The following ZNF486 variants were observed in gnomAD, a reference collection of about 807,000 sequenced individuals.
The protein encoded by ZNF486 is zinc finger protein 486.
A neutral mutation model predicts 12.8 loss-of-function variants in ZNF486; 12 were observed. That is an observed-to-expected ratio of 0.94 (90% CI 0.60 to 1.52). ZNF486 has a LOEUF of 1.52. ZNF486 is among the 40% of genes most tolerant of loss of function. The pLI, the probability that ZNF486 is intolerant of heterozygous loss-of-function variation, is 0.00. For missense variants in ZNF486, 738 were observed against 545.0 expected, an observed-to-expected ratio of 1.35 and a Z score of -3.53; for synonymous variants, 231 against 184.9, an observed-to-expected ratio of 1.25 and a Z score of -2.02.
At chr19:20,193,800 T>A (rs1311174620) in intron 3 of ZNF486, among the ~76,000 whole-genome samples, 1 of 152,158 alleles carries the variant, frequency 6.6e-6, no homozygotes, top group Non-Finnish European at 1.5e-5. Flanking sequence ...TCATTTTCTG[T>A]CTTTTTTGTG....
At chr19:20,178,164 G>A (rs2089743732) in intron 1 of ZNF486, among the ~76,000 whole-genome samples, 1 of 151,866 alleles carries the variant, frequency 6.6e-6, no homozygotes, top group African/African-American at 2.4e-5. Flanking sequence ...TTGACCTCAG[G>A]TGATCCACCC....
chr19:20,170,538 C>T (rs2089637703), intron 1 of ZNF486, among the ~76,000 whole-genome samples: 2 of 151,828 alleles, frequency 1.3e-5, no homozygotes, highest in Non-Finnish European at 2.9e-5. Flanking sequence ...GGTGCCACTG[C>T]ACTCCAGCCT....
At position 20,186,054 on chromosome 19, in the gene ZNF486, G is replaced by A; in HGVS notation, c.225G>A (p.Lys75=). Residue 75 remains lysine (K), a synonymous_variant, in exon 3 of 4, where the codon AAG becomes AAA. Transcript: ENST00000335117. ...AAGGAATAAAACCTCTGACTATGAA[G>A]AGACATGAGATGATTGCCAAACCCC... ...LEQGIKPLTM[K]RHEMIAKPPV... 6.3e-7 allele frequency: 1 copy of A among 1,593,416 alleles called. No individual in the cohort carries two copies. Among genetic ancestry groups the A allele is most frequent in the South Asian group, 1.1e-5 (1 of 87,352 alleles).
intron 1 of ZNF486, among the ~76,000 whole-genome samples, chr19:20,180,650 C>T (rs911318470): frequency 3.3e-5 from 5 of 152,044 alleles, no homozygotes; most frequent in African/African-American, 9.7e-5. Flanking sequence ...CTTGGCTCAC[C>T]GCAATTTCTG....
intron 3 of ZNF486, among the ~76,000 whole-genome samples, chr19:20,192,157 G>A (rs2089909184): frequency 6.6e-6 from 1 of 151,956 alleles, no homozygotes; most frequent in African/African-American, 2.4e-5. Flanking sequence ...CTCAATTGTG[G>A]TTACTATTTT....
rs1010139347 is a variant in ZNF486 at position 20,197,331 on chromosome 19, G to T, written c.621G>T (p.Glu207Asp). The T allele has an allele frequency of 6.2e-7, 1 of 1,613,236 alleles. No individual in the cohort carries two copies. The change falls in exon 4 of 4, where the codon GAG (glutamate) becomes GAT (aspartate). Residue 207 changes from glutamate to aspartate, a missense_variant. Transcript: ENST00000335117. ...HTTHKKIDTG[E>D]KPYKCEECGK... ...CACATAAAAAAATTGATACTGGAGA[G>T]AAACCATACAAATGTGAAGAATGTG...
At chr19:20,191,462 CA>C (rs35968267) in intron 3 of ZNF486, among the ~76,000 whole-genome samples, 1,792 of 97,060 alleles carry the variant, frequency 0.018, 15 homozygotes, top group Middle Eastern at 0.057. Context: ...GAGATTCCTT[CA>C]AAAAAAAAAA....
chr19:20,198,232 T>C lies in ZNF486; in HGVS notation c.*130T>C. 1 of 741,120 alleles carries C rather than the reference T, an allele frequency of 1.3e-6. No homozygotes were observed. Among genetic ancestry groups the C allele is most frequent in the Non-Finnish European group, 2.2e-6 (1 of 455,646 alleles). 45.9% of individuals were successfully genotyped at this position (741,120 alleles called of 1,614,324 possible). ...TCTGGGTTCAAGTAACTCTCCTTAGTAGCTAGGATTACAGGGCTGCACCAC... is the reference window on the plus strand; with the variant it reads ...TCTGGGTTCAAGTAACTCTCCTTAGCAGCTAGGATTACAGGGCTGCACCAC... On this transcript the variant is annotated 3_prime_UTR_variant, in exon 4 of 4. Transcript: ENST00000335117.
chr19:20,180,462 TG>T (rs2089772542), intron 1 of ZNF486, among the ~76,000 whole-genome samples: 2 of 152,234 alleles, frequency 1.3e-5, no homozygotes, highest in South Asian at 4.1e-4. Context: ...ATTGTATGGT[TG>T]GCACAATATA....
In ZNF486 at chr19:20,199,768, A is replaced by G. The variant is rs543105416; in HGVS notation, c.*1666A>G. 2.6e-5 allele frequency: 4 copies of G among 152,006 alleles called. No individual in the cohort carries two copies. Among genetic ancestry groups the G allele is most frequent in the African/African-American group, 7.2e-5 (3 of 41,480 alleles). The allele number at this position is 152,006 out of a possible 1,614,324, so 9.4% of individuals were successfully genotyped here. ...AAAAGCAGATTTTTGGAAGCATTGTAATTACATTAAAAGTATACTTGTTCC... is the reference window on the plus strand; with the variant it reads ...AAAAGCAGATTTTTGGAAGCATTGTGATTACATTAAAAGTATACTTGTTCC... On this transcript the variant is annotated 3_prime_UTR_variant, in exon 4 of 4. Transcript: ENST00000335117.
Position 20,198,187 on chromosome 19 carries a change from G to A in ZNF486, c.*85G>A. On this transcript the variant is annotated 3_prime_UTR_variant, in exon 4 of 4. Coordinates refer to ENST00000335117, the MANE Select transcript of ZNF486 (RefSeq NM_052852.4). ...GCTGGAGTGCAATGGCATAATTTTG[G>A]CTCACCACAACCTCCACCTTCTGGG... The A allele has an allele frequency of 7.9e-7, 1 of 1,265,032 alleles. No homozygotes were observed. Among genetic ancestry groups the A allele is most frequent in the Non-Finnish European group, 1.1e-6 (1 of 924,996 alleles). 78.4% of individuals were successfully genotyped at this position (1,265,032 alleles called of 1,614,324 possible).
chr19:20,179,353 TTGACA>T (rs1438573976), intron 1 of ZNF486, among the ~76,000 whole-genome samples: 1 of 152,248 alleles, frequency 6.6e-6, no homozygotes, highest in African/African-American at 2.4e-5. Flanking sequence ...CTGTCTTGTC[TTGACA>T]TATCTTCCTG....
At chr19:20,188,793 C>T (rs1055356830) in intron 3 of ZNF486, 7 of 223,498 alleles carry the variant, frequency 3.1e-5, no homozygotes, top group East Asian at 9.1e-5. Context: ...CTCTCACCCT[C>T]GACAGACAAA....
At chr19:20,195,327 C>T (rs1381491800) in intron 3 of ZNF486, among the ~76,000 whole-genome samples, 2 of 152,134 alleles carry the variant, frequency 1.3e-5, no homozygotes, top group East Asian at 3.8e-4. Context: ...TGTCACCATG[C>T]CCAGCTAATT....
intron 3 of ZNF486, among the ~76,000 whole-genome samples, chr19:20,193,521 C>T (rs1341645951): frequency 6.6e-6 from 1 of 151,940 alleles, no homozygotes; most frequent in African/African-American, 2.4e-5. Flanking sequence ...ATTATCCGGG[C>T]ATGCTGGCAG....
At chr19:20,168,579 G>A (rs1457170894) in intron 1 of ZNF486, among the ~76,000 whole-genome samples, 4 of 151,782 alleles carry the variant, frequency 2.6e-5, no homozygotes, top group African/African-American at 2.4e-5. Flanking sequence ...GCTTGAACCC[G>A]GGAGGAGGAG....
At chr19:20,196,094 C>T (rs1429961601) in intron 3 of ZNF486, among the ~76,000 whole-genome samples, 1 of 152,206 alleles carries the variant, frequency 6.6e-6, no homozygotes, top group Admixed American at 6.5e-5. Flanking sequence ...TCTTGGCTCA[C>T]TACATTCTCT....
Position 20,200,029 on chromosome 19 carries a change from AG to A in ZNF486, c.*1929del, listed in dbSNP as rs1188199078. The A allele has an allele frequency of 2.0e-5, 3 of 151,962 alleles. No homozygotes were observed. The highest frequency in any genetic ancestry group is 7.2e-5 in the African/African-American group (3 of 41,382). The allele number at this position is 151,962 out of a possible 1,614,324, so 9.4% of individuals were successfully genotyped here. On this transcript the variant is annotated 3_prime_UTR_variant, in exon 4 of 4. Transcript: ENST00000335117. ...GGGAGGTGGAGGTTGCAGTGAGCCG[AG>A]GTTGCACCATTGTCCAGCCTGGGCA...
chr19:20,176,168 C>CTGCAATCTCG (rs2089711363), intron 1 of ZNF486: 2 of 155,588 alleles, frequency 1.3e-5, no homozygotes, highest in Admixed American at 6.6e-5. Context: ...TGGGCAGAGG[C>CTGCAATCTCG]GCTCCTCATA....
Sources: gnomAD v4.1 joint callset for allele counts (sites outside exome capture counted in the v4.1 genomes callset) on GRCh38, gnomAD v4.1.1 for gene constraint, MANE v1.5 for transcripts, NCBI Gene and HGNC (gene_info 2026-07-23, HGNC 2026-07-21) for gene names.